Variants in DRC8 observed in about 807,000 individuals in gnomAD.
DRC8 encodes the protein dynein regulatory complex subunit 8, also known as dynein regulatory complex protein 8.
At chr1:245,089,567 T>C in the DRC8 span, among the ~76,000 whole-genome samples, 2 of 149,700 alleles carry the variant, frequency 1.3e-5, no homozygotes, top group Non-Finnish European at 3.0e-5. The surrounding 1 kb of genome is among the most constrained non-coding windows in gnomAD (Gnocchi z 4.8). Context: ...AGAGGGAAGT[T>C]AAAGACGGAA....
At chr1:245,024,700 C>T in the DRC8 span, among the ~76,000 whole-genome samples, 2 of 151,614 alleles carry the variant, frequency 1.3e-5, no homozygotes, top group Non-Finnish European at 2.9e-5. Flanking sequence ...GGCTTGTGTC[C>T]ACCTGGCTAA....
chr1:245,035,673 C>CACCAGT, the DRC8 span, among the ~76,000 whole-genome samples: 43,015 of 151,684 alleles, frequency 0.28, 6,301 homozygotes, highest in Middle Eastern at 0.34. Context: ...TCAAGACCAG[C>CACCAGT]CTGGCCAACG....
chr1:244,978,077 C>T, the DRC8 span, among the ~76,000 whole-genome samples: 2 of 152,140 alleles, frequency 1.3e-5, no homozygotes, highest in Admixed American at 1.3e-4. Flanking sequence ...TTATTCTTAC[C>T]CACTTGTGAA....
the DRC8 span, chr1:245,017,388 A>G: frequency 1.3e-5 from 19 of 1,486,284 alleles, no homozygotes; most frequent in Non-Finnish European, 1.3e-5. Context: ...ATAAGATACA[A>G]GAGAGCTATT....
chr1:244,994,630 A>G, the DRC8 span, among the ~76,000 whole-genome samples: 1 of 152,078 alleles, frequency 6.6e-6, no homozygotes, highest in East Asian at 1.9e-4. Flanking sequence ...GGGTTTCACC[A>G]TATTGGCCAG....
At chr1:244,990,627 A>AATGTTCATGGT in the DRC8 span, among the ~76,000 whole-genome samples, 1 of 152,128 alleles carries the variant, frequency 6.6e-6, no homozygotes, top group Admixed American at 6.5e-5. Context: ...TCACTATGAC[A>AATGTTCATGGT]TAGCCCCATC....
chr1:245,005,713 G>A, the DRC8 span, among the ~76,000 whole-genome samples: 3 of 152,178 alleles, frequency 2.0e-5, no homozygotes, highest in Non-Finnish European at 4.4e-5. Context: ...TATGGAAAGT[G>A]AGACAAATAA....
At chr1:244,998,544 C>A in the DRC8 span, among the ~76,000 whole-genome samples, 3 of 152,098 alleles carry the variant, frequency 2.0e-5, no homozygotes, top group Non-Finnish European at 4.4e-5. Flanking sequence ...TTGGATCTTA[C>A]CAAGATGTCT....
chr1:245,051,684 T>C, the DRC8 span, among the ~76,000 whole-genome samples: 1 of 152,136 alleles, frequency 6.6e-6, no homozygotes. Context: ...GGAAATAGAA[T>C]AGAGTGGCGA....
the DRC8 span, chr1:245,086,960 G>A: frequency 3.7e-6 from 2 of 534,208 alleles, no homozygotes; most frequent in Non-Finnish European, 7.1e-6. Flanking sequence ...CCTTGTTCAT[G>A]ATGTCTGTAT....
chr1:245,074,971 A>G, the DRC8 span, among the ~76,000 whole-genome samples: 1 of 152,096 alleles, frequency 6.6e-6, no homozygotes. Flanking sequence ...TGTGTATCTG[A>G]TTTGGTGACC....
At chr1:245,022,411 G>A in the DRC8 span, among the ~76,000 whole-genome samples, 9 of 151,612 alleles carry the variant, frequency 5.9e-5, no homozygotes, top group South Asian at 2.1e-4. Flanking sequence ...TGACCCGCCC[G>A]CCTCAGCCTC....
At chr1:245,018,522 C>T in the DRC8 span, among the ~76,000 whole-genome samples, 1 of 152,064 alleles carries the variant, frequency 6.6e-6, no homozygotes, top group Non-Finnish European at 1.5e-5. Flanking sequence ...AATGAGTGGG[C>T]AGGGTGCTGG....
At chr1:244,993,810 A>G in the DRC8 span, among the ~76,000 whole-genome samples, 1 of 152,210 alleles carries the variant, frequency 6.6e-6, no homozygotes. Context: ...CTGCTATAAC[A>G]TACGTGCTCC....
the DRC8 span, among the ~76,000 whole-genome samples, chr1:245,117,833 G>T: frequency 3.3e-5 from 5 of 152,120 alleles, no homozygotes; most frequent in African/African-American, 7.2e-5. Context: ...GCTGAGTGTG[G>T]TGGTGTGCAC....
the DRC8 span, chr1:245,086,589 A>G: frequency 4.7e-6 from 2 of 423,028 alleles, no homozygotes; most frequent in East Asian, 1.4e-4. Flanking sequence ...TGTGTATTGC[A>G]TCAGACAGTG....
the DRC8 span, among the ~76,000 whole-genome samples, chr1:245,053,724 A>G: frequency 2.0e-5 from 3 of 152,206 alleles, no homozygotes; most frequent in Non-Finnish European, 2.9e-5. Context: ...CAAGATGTCA[A>G]TCACGTGGGC....
chr1:245,019,036 C>T, the DRC8 span, among the ~76,000 whole-genome samples: 1 of 152,090 alleles, frequency 6.6e-6, no homozygotes, highest in African/African-American at 2.4e-5. Flanking sequence ...AGAAAATCTC[C>T]CGATCACTGA....
At chr1:244,970,408 T>C in the DRC8 span, 1 of 1,538,766 alleles carries the variant, frequency 6.5e-7, no homozygotes, top group Non-Finnish European at 8.7e-7. Flanking sequence ...GGCGACCGGC[T>C]CCGCAGCAAG....
Sources: gnomAD v4.1 joint callset for allele counts (sites outside exome capture counted in the v4.1 genomes callset) on GRCh38, gnomAD v4.1.1 for gene constraint, Gnocchi (gnomAD v3.1) non-coding constraint, MANE v1.5 for transcripts, NCBI Gene and HGNC (gene_info 2026-07-23, HGNC 2026-07-21) for gene names.